The following TCF12 variants were observed in gnomAD, a reference collection of about 807,000 sequenced individuals.
The protein encoded by TCF12 is transcription factor 12.
In TCF12, 45 loss-of-function variants were observed where a neutral mutation model predicts 86.0. That is an observed-to-expected ratio of 0.52 (90% CI 0.41 to 0.67). The LOEUF (loss-of-function observed/expected upper bound fraction) is 0.67, where lower values mean the gene tolerates loss of function less well. TCF12 is among the 30% of genes least tolerant of loss of function. The pLI, the probability that TCF12 is intolerant of heterozygous loss-of-function variation, is 0.00. For missense variants in TCF12, 881 were observed against 859.9 expected, an observed-to-expected ratio of 1.02 and a Z score of -0.31; for synonymous variants, 330 against 299.6, an observed-to-expected ratio of 1.10 and a Z score of -1.05.
chr15:57,194,168 A>T (rs1454019837), intron 7 of TCF12, among the ~76,000 whole-genome samples: 1 of 151,892 alleles, frequency 6.6e-6, no homozygotes, highest in Non-Finnish European at 1.5e-5. Context: ...AAAAATCCAG[A>T]CTTAAAATTC....
chr15:57,214,064 T>A (rs2058230437), intron 8 of TCF12: 1 of 152,088 alleles, frequency 6.6e-6, no homozygotes, highest in South Asian at 2.1e-4. Flanking sequence ...TTACTTCAAG[T>A]GGTAAATGAG....
At chr15:57,038,914 A>T (rs1373730231) in intron 3 of TCF12, among the ~76,000 whole-genome samples, 1 of 152,174 alleles carries the variant, frequency 6.6e-6, no homozygotes, top group African/African-American at 2.4e-5. Flanking sequence ...TAGTTAGCTG[A>T]GGGGACACGG....
chr15:56,988,630 T>A (rs577449117), intron 3 of TCF12, among the ~76,000 whole-genome samples: 110 of 152,280 alleles, frequency 7.2e-4, no homozygotes, highest in Admixed American at 3.3e-3. Flanking sequence ...TTGGTCACAG[T>A]TTTTGCACTG....
intron 5 of TCF12, among the ~76,000 whole-genome samples, chr15:57,122,038 A>G (rs992383442): frequency 8.7e-5 from 13 of 149,362 alleles, no homozygotes; most frequent in African/African-American, 1.2e-4. Flanking sequence ...TGTCTACTAT[A>G]TGCTATTCTA....
At position 57,289,631 on chromosome 15, in the gene TCF12, G is replaced by T. The variant is rs1166159517; in HGVS notation, c.*3486G>T. 2 of 152,018 alleles carry T rather than the reference G, an allele frequency of 1.3e-5. No individual in the cohort carries two copies. Among genetic ancestry groups the T allele is most frequent in the African/African-American group, 2.4e-5 (1 of 41,374 alleles). The allele number at this position is 152,018 out of a possible 1,614,324, so 9.4% of individuals were successfully genotyped here. A position where few individuals can be genotyped will look rare whatever the true frequency, so the allele number is the denominator to read the frequency against. On this transcript the variant is annotated 3_prime_UTR_variant, in exon 21 of 21. Transcript: ENST00000333725. Reference sequence around the variant, plus strand: ...TGTGTGTGTGTGTGTGTGTCTGTGTGTGTGTGACTTAAAGAATCTTAAGCT... The same window carrying T: ...TGTGTGTGTGTGTGTGTGTCTGTGTTTGTGTGACTTAAAGAATCTTAAGCT...
intron 19 of TCF12, among the ~76,000 whole-genome samples, chr15:57,277,627 C>CAA (rs572510620): frequency 7.1e-4 from 53 of 74,886 alleles, no homozygotes; most frequent in Admixed American, 2.1e-3. Context: ...GACTCCATCT[C>CAA]AAAAAAAAAA....
intron 3 of TCF12, among the ~76,000 whole-genome samples, chr15:56,946,429 ACT>A (rs1211735173): frequency 2.0e-5 from 3 of 150,348 alleles, no homozygotes; most frequent in Non-Finnish European, 3.0e-5. Context: ...ATTTCTAGAA[ACT>A]CTTTTGTTTT....
intron 3 of TCF12, among the ~76,000 whole-genome samples, chr15:56,924,023 G>T (rs1010766157): frequency 1.3e-5 from 2 of 151,598 alleles, no homozygotes; most frequent in Middle Eastern, 3.2e-3. Context: ...ATCTTTTTTT[G>T]TGGGGCGGGG....
intron 5 of TCF12, 115 bp downstream of exon 5, chr15:57,092,006 C>G: frequency 1.4e-6 from 1 of 701,398 alleles, no homozygotes; most frequent in South Asian, 2.1e-5. Context: ...TCTTGAGTTT[C>G]TAGGGGCATC....
At chr15:57,248,077 C>A (rs1385614674) in intron 13 of TCF12, 1 of 702,796 alleles carries the variant, frequency 1.4e-6, no homozygotes. Flanking sequence ...TGTCTTCCAA[C>A]TCAAGTTCAG....
chr15:57,204,635 G>A (rs1197054625), intron 8 of TCF12, among the ~76,000 whole-genome samples: 2 of 152,034 alleles, frequency 1.3e-5, no homozygotes, highest in African/African-American at 4.8e-5. Flanking sequence ...ATATCCTGAG[G>A]TATTCCCAAA....
intron 4 of TCF12, among the ~76,000 whole-genome samples, chr15:57,071,162 G>A (rs538420398): frequency 1.8e-4 from 27 of 151,656 alleles, no homozygotes; most frequent in Admixed American, 4.6e-4. Flanking sequence ...AACCCAGTAC[G>A]TTGGGAGGCT....
In TCF12 at chr15:57,091,909, T is replaced by C. The variant is rs187424659; in HGVS notation, c.325+18T>C. The C allele has an allele frequency of 3.8e-5, 60 of 1,597,150 alleles. No individual in the cohort carries two copies. The East Asian group carries it at 1.3e-3, about 34-fold the overall frequency. On this transcript the variant is annotated intron_variant, in intron 5 of 20. Coordinates refer to ENST00000333725, the MANE Select transcript of TCF12 (RefSeq NM_207037.2). ...TCTGATGGGTAAGTTGGTAATTCTC[T>C]GCAAGTAGTCTTCTCAAAGCTTCTT...
chr15:57,223,909 T>C (rs1289282608), intron 8 of TCF12, among the ~76,000 whole-genome samples: 1 of 151,872 alleles, frequency 6.6e-6, no homozygotes, highest in African/African-American at 2.4e-5. Flanking sequence ...TTTTTTATAA[T>C]AGGGAAAACA....
chr15:57,121,810 G>T (rs1286310261), intron 5 of TCF12, among the ~76,000 whole-genome samples: 4 of 152,130 alleles, frequency 2.6e-5, no homozygotes, highest in African/African-American at 4.8e-5. Flanking sequence ...TGGTCTGACA[G>T]TGTTCTTCTT....
rs555575497 is a variant in TCF12 at position 56,946,233 on chromosome 15, A to G, written c.148+25135A>G. On this transcript the variant is annotated intron_variant, in intron 3 of 20. Coordinates refer to ENST00000333725, the MANE Select transcript of TCF12 (RefSeq NM_207037.2). ...TTTCCTTCTAGGACTTCAATTACAC[A>G]TATATTAGCACTCTTGATACTGTTC... Among the ~76,000 whole-genome samples the G allele has an allele frequency of 9.2e-5, 14 of 152,218 alleles. No individual in the cohort carries two copies. The East Asian group carries it at 2.3e-3, about 25-fold the overall frequency.
chr15:57,243,620 C>A, intron 13 of TCF12, 70 bp downstream of exon 13: 1 of 1,325,538 alleles, frequency 7.5e-7, no homozygotes, highest in South Asian at 1.3e-5. Context: ...ATTTATTTCT[C>A]AACAAACTTT....
At chr15:57,148,469 C>T (rs1173928654) in intron 5 of TCF12, among the ~76,000 whole-genome samples, 2 of 150,458 alleles carry the variant, frequency 1.3e-5, no homozygotes, top group African/African-American at 4.9e-5. Context: ...GACAAAAGAA[C>T]AATTCATACA....
chr15:57,239,621 C>T (rs920009376), intron 12 of TCF12, among the ~76,000 whole-genome samples: 1 of 151,766 alleles, frequency 6.6e-6, no homozygotes, highest in Non-Finnish European at 1.5e-5. Context: ...GTAGTCCAGC[C>T]GCAAGTTTGA....
Sources: gnomAD v4.1 joint callset for allele counts (sites outside exome capture counted in the v4.1 genomes callset) on GRCh38, gnomAD v4.1.1 for gene constraint, MANE v1.5 for transcripts, NCBI Gene and HGNC (gene_info 2026-07-23, HGNC 2026-07-21) for gene names.